The following DSCAML1 variants were observed in gnomAD, a reference collection of about 807,000 sequenced individuals.
DSCAML1 encodes the protein cell adhesion molecule DSCAML1.
In DSCAML1, 38 loss-of-function variants were observed where a neutral mutation model predicts 200.5. The ratio of observed to expected loss-of-function variants is 0.19; its 90% CI spans 0.15 to 0.25. DSCAML1 has a LOEUF of 0.25. DSCAML1 is among the 10% of genes least tolerant of loss of function. The probability of loss-of-function intolerance (pLI) is 1.00; values close to 1 mark genes in which losing one functional copy is unlikely to be tolerated. For synonymous variants in DSCAML1, 1,215 were observed against 1,165.0 expected (o/e 1.04, Z -0.87); for missense variants, 2,223 against 2,858.8 (o/e 0.78, Z 5.07).
intron 20 of DSCAML1, among the ~76,000 whole-genome samples, chr11:117,444,682 G>A (rs2048141729): frequency 6.6e-6 from 1 of 152,160 alleles, no homozygotes; most frequent in Non-Finnish European, 1.5e-5. Flanking sequence ...TTAACAAAAT[G>A]ACAGTTTTGA....
At chr11:117,488,285 T>C (rs1186799687) in intron 11 of DSCAML1, among the ~76,000 whole-genome samples, 1 of 152,192 alleles carries the variant, frequency 6.6e-6, no homozygotes, top group African/African-American at 2.4e-5. Flanking sequence ...AGCCCCTTAA[T>C]AGGGGGAAGT....
At chr11:117,429,798 C>T (rs1402540261) in intron 32 of DSCAML1, among the ~76,000 whole-genome samples, 1 of 152,232 alleles carries the variant, frequency 6.6e-6, no homozygotes, top group African/African-American at 2.4e-5. Context: ...CTGGGCCAGG[C>T]ATTTTCCTTA....
chr11:117,608,566 C>G (rs938795473), intron 3 of DSCAML1, among the ~76,000 whole-genome samples: 22 of 152,206 alleles, frequency 1.4e-4, no homozygotes, highest in Admixed American at 6.5e-4. Flanking sequence ...TTTGAGCATT[C>G]TTCATAAACC....
Position 117,428,292 on chromosome 11 carries a change from G to A in DSCAML1, c.*36C>T, listed in dbSNP as rs752949622. The A allele has an allele frequency of 1.4e-5, 17 of 1,202,470 alleles. No homozygotes were observed. The highest frequency in any genetic ancestry group is 1.2e-4 in the Admixed American group (6 of 49,238). The allele number at this position is 1,202,470 out of a possible 1,614,324, so 74.5% of individuals were successfully genotyped here. A position where few individuals can be genotyped will look rare whatever the true frequency, so the allele number is the denominator to read the frequency against. On this transcript the variant is annotated 3_prime_UTR_variant, in exon 33 of 33. Coordinates refer to ENST00000651296, the MANE Select transcript of DSCAML1 (RefSeq NM_020693.4). ...GAGCTGGCGTGTGGGGCTGCGGCGC[G>A]GCGCGGTCCAGGCGTGGCTGCTCTT...
At chr11:117,807,484 T>C (rs940466872) in intron 1 of DSCAML1, among the ~76,000 whole-genome samples, 2 of 152,200 alleles carry the variant, frequency 1.3e-5, no homozygotes, top group Non-Finnish European at 2.9e-5. Context: ...GCCAAGAACC[T>C]GGAGTCAGAG....
intron 21 of DSCAML1, among the ~76,000 whole-genome samples, chr11:117,441,409 G>A (rs1278024329): frequency 2.0e-5 from 3 of 152,240 alleles, no homozygotes; most frequent in Non-Finnish European, 2.9e-5. Context: ...AGGAGGGGAT[G>A]CAGACTGACA....
intron 3 of DSCAML1, among the ~76,000 whole-genome samples, chr11:117,617,680 G>GCACACACACACACACACA (rs36207373): frequency 4.9e-5 from 7 of 143,014 alleles, no homozygotes; most frequent in African/African-American, 1.1e-4. Flanking sequence ...ACAGGTACAC[G>GCACACACACACACACACA]CACACACACA....
chr11:117,490,135 C>T (rs1267034089), intron 11 of DSCAML1, among the ~76,000 whole-genome samples: 2 of 152,072 alleles, frequency 1.3e-5, no homozygotes, highest in East Asian at 1.9e-4. Context: ...GCACCAGAGC[C>T]GTAGAGGAAT....
chr11:117,714,078 G>C (rs11216512), intron 3 of DSCAML1, among the ~76,000 whole-genome samples: 145,127 of 152,292 alleles, frequency 0.95, 69,323 homozygotes, highest in South Asian at 0.99. Context: ...CTGTGCAATG[G>C]GGATAATAAT....
chr11:117,767,180 A>G (rs1051531677), intron 3 of DSCAML1, among the ~76,000 whole-genome samples: 1 of 152,186 alleles, frequency 6.6e-6, no homozygotes, highest in Non-Finnish European at 1.5e-5. Context: ...AAGTGGCCCA[A>G]GTTATCTCCA....
chr11:117,441,393 G>A (rs931931151), intron 21 of DSCAML1, among the ~76,000 whole-genome samples: 3 of 152,204 alleles, frequency 2.0e-5, no homozygotes, highest in Non-Finnish European at 4.4e-5. Context: ...GGCATGATGA[G>A]GCCACAGGAG....
At chr11:117,813,866 TA>T (rs1467777401) in intron 1 of DSCAML1, among the ~76,000 whole-genome samples, 1 of 152,226 alleles carries the variant, frequency 6.6e-6, no homozygotes, top group African/African-American at 2.4e-5. Context: ...TATTTTGTTT[TA>T]TTTTTCTTAT....
intron 3 of DSCAML1, among the ~76,000 whole-genome samples, chr11:117,723,954 T>C (rs953028305): frequency 2.0e-5 from 3 of 152,204 alleles, no homozygotes; most frequent in Non-Finnish European, 4.4e-5. Flanking sequence ...CTAACTACCC[T>C]GCTCGCAGAC....
At position 117,512,221 on chromosome 11, in the gene DSCAML1, T is replaced by C. The variant is rs2049636226; in HGVS notation, c.1783+4246A>G. ...CTAGCTCTCTGCTCTGAACCTTGAGTGGGATGCACTTCCTAGTCGGGCAGC... is the reference window on the plus strand; with the variant it reads ...CTAGCTCTCTGCTCTGAACCTTGAGCGGGATGCACTTCCTAGTCGGGCAGC... On this transcript the variant is annotated intron_variant, in intron 8 of 32. Coordinates refer to ENST00000651296, the MANE Select transcript of DSCAML1 (RefSeq NM_020693.4). Among the ~76,000 whole-genome samples, 3 of 152,146 alleles carry C rather than the reference T, an allele frequency of 2.0e-5. No individual in the cohort carries two copies. The South Asian group carries it at 6.2e-4, about 32-fold the overall frequency.
chr11:117,726,238 T>C (rs573893438), intron 3 of DSCAML1, among the ~76,000 whole-genome samples: 1 of 150,814 alleles, frequency 6.6e-6, no homozygotes, highest in East Asian at 1.9e-4. Context: ...TGAATGAGGT[T>C]GTGTGTGTAT....
At chr11:117,783,983 T>C (rs1162081330) in intron 1 of DSCAML1, among the ~76,000 whole-genome samples, 1 of 152,214 alleles carries the variant, frequency 6.6e-6, no homozygotes, top group African/African-American at 2.4e-5. Flanking sequence ...CCTGCACTCC[T>C]GGGCCTCGGA....
At chr11:117,633,041 C>T (rs2052206092) in intron 3 of DSCAML1, among the ~76,000 whole-genome samples, 1 of 152,182 alleles carries the variant, frequency 6.6e-6, no homozygotes. Flanking sequence ...ATCCTTTCAA[C>T]CCTGGGACAC....
intron 3 of DSCAML1, among the ~76,000 whole-genome samples, chr11:117,728,500 T>C (rs2054169382): frequency 6.6e-6 from 1 of 150,646 alleles, no homozygotes; most frequent in South Asian, 2.2e-4. Context: ...AAAACTATCT[T>C]TTCTCTATTT....
chr11:117,611,946 A>G (rs1400865454), intron 3 of DSCAML1: 1 of 152,246 alleles, frequency 6.6e-6, no homozygotes, highest in East Asian at 1.9e-4. Context: ...TTGGCTGAAT[A>G]TCGGAGTTGT....
Sources: allele counts gnomAD v4.1 joint callset (sites outside exome capture counted in the v4.1 genomes callset), GRCh38; gene constraint gnomAD v4.1.1; transcripts MANE v1.5; gene names NCBI Gene and HGNC (gene_info 2026-07-23, HGNC 2026-07-21).